The following PDE10A variants were observed in gnomAD, a reference collection of about 807,000 sequenced individuals.
The protein encoded by PDE10A is cAMP and cAMP-inhibited cGMP 3',5'-cyclic phosphodiesterase 10A.
Under a neutral mutation model 97.7 loss-of-function variants are expected in PDE10A, and 39 were observed. The ratio of observed to expected loss-of-function variants is 0.40; its 90% CI spans 0.31 to 0.52. PDE10A has a LOEUF of 0.52. Ranked by LOEUF, PDE10A falls within the 20% of genes least tolerant of loss-of-function variation. The probability of loss-of-function intolerance (pLI) is 0.56; values close to 1 mark genes in which losing one functional copy is unlikely to be tolerated. For synonymous variants in PDE10A, 371 were observed against 376.8 expected, an observed-to-expected ratio of 0.98 and a Z score of 0.18; for missense variants, 731 against 1,047.8, an observed-to-expected ratio of 0.70 and a Z score of 4.17.
At chr6:165,512,999 T>C (rs1781586628) in intron 2 of PDE10A, among the ~76,000 whole-genome samples, 1 of 152,022 alleles carries the variant, frequency 6.6e-6, no homozygotes, top group Admixed American at 6.6e-5. Flanking sequence ...TTTAAAAAAA[T>C]GGGTTGTCTT....
intron 1 of PDE10A, among the ~76,000 whole-genome samples, chr6:165,602,939 A>C (rs1485900647): frequency 6.6e-6 from 1 of 152,184 alleles, no homozygotes; most frequent in Admixed American, 6.5e-5. Flanking sequence ...ACTACATAAA[A>C]TCTAACCTAG....
intron 1 of PDE10A, among the ~76,000 whole-genome samples, chr6:165,599,834 C>T (rs936440552): frequency 1.3e-5 from 2 of 152,132 alleles, no homozygotes; most frequent in Non-Finnish European, 2.9e-5. Context: ...CCTTCCTCCC[C>T]GGTTTGGCAT....
intron 1 of PDE10A, among the ~76,000 whole-genome samples, chr6:165,652,240 T>C (rs1241116653): frequency 1.3e-5 from 2 of 152,162 alleles, no homozygotes; most frequent in Non-Finnish European, 2.9e-5. Flanking sequence ...CCATAGTAAC[T>C]AAGCTCTTTT....
intron 2 of PDE10A, among the ~76,000 whole-genome samples, chr6:165,490,611 A>G (rs1484676604): frequency 3.3e-5 from 5 of 152,192 alleles, no homozygotes; most frequent in Non-Finnish European, 7.3e-5. Context: ...CAATACTAAC[A>G]TTGAATGCAA....
intron 1 of PDE10A, among the ~76,000 whole-genome samples, chr6:165,598,672 C>T (rs575219669): frequency 4.6e-5 from 7 of 152,206 alleles, no homozygotes; most frequent in Middle Eastern, 3.4e-3. Context: ...ATCTGGAACA[C>T]GGCAATTAAT....
At chr6:165,491,725 A>C (rs1780238066) in intron 2 of PDE10A, among the ~76,000 whole-genome samples, 1 of 152,178 alleles carries the variant, frequency 6.6e-6, no homozygotes, top group African/African-American at 2.4e-5. Context: ...CTAAGAGAAA[A>C]GTCCACAGCA....
intron 1 of PDE10A, chr6:165,894,597 T>C (rs1404928178): frequency 8.9e-6 from 4 of 451,740 alleles, no homozygotes; most frequent in Non-Finnish European, 1.8e-5. Context: ...AACCCTGTAC[T>C]ACATATCCCG....
intron 1 of PDE10A, among the ~76,000 whole-genome samples, chr6:165,547,139 G>A (rs1307440583): frequency 6.6e-6 from 1 of 152,078 alleles, no homozygotes; most frequent in Non-Finnish European, 1.5e-5. Flanking sequence ...AAGCAATTGT[G>A]TATATTTGAA....
At chr6:165,414,664 T>G (rs1583236775) in intron 12 of PDE10A, among the ~76,000 whole-genome samples, 1 of 152,238 alleles carries the variant, frequency 6.6e-6, no homozygotes, top group Non-Finnish European at 1.5e-5. Context: ...CACCATATGT[T>G]TTCATTTTGC....
rs140660949 is a variant in PDE10A, at chr6:165,874,199, G to A, written c.-615+113330C>T. Among the ~76,000 whole-genome samples the A allele has an allele frequency of 4.4e-3, 673 of 152,294 alleles. 4 individuals carry two copies. Among genetic ancestry groups the A allele is most frequent in the Non-Finnish European group, 6.1e-3 (416 of 68,024 alleles). On this transcript the variant is annotated intron_variant, in intron 1 of 19. Transcript: ENST00000366882. ...TCACGTGCAGATCTCAAGTTTCCCA[G>A]TTAGCATTGCTTTTTCTCATTTTGC...
At chr6:165,414,621 G>T (rs895217076) in intron 12 of PDE10A, among the ~76,000 whole-genome samples, 5 of 152,132 alleles carry the variant, frequency 3.3e-5, no homozygotes, top group African/African-American at 1.2e-4. Context: ...AAATAATTCT[G>T]CTTTGAAGGT....
chr6:165,685,694 C>T (rs544059161), intron 1 of PDE10A, among the ~76,000 whole-genome samples: 6 of 152,238 alleles, frequency 3.9e-5, no homozygotes, highest in Admixed American at 2.6e-4. Context: ...AGAAACTCCA[C>T]AGAGGACCAT....
At chr6:165,858,183 A>G (rs1391823344) in intron 1 of PDE10A, among the ~76,000 whole-genome samples, 1 of 152,200 alleles carries the variant, frequency 6.6e-6, no homozygotes, top group East Asian at 1.9e-4. Context: ...TCATTCATTC[A>G]TTCACTGGTA....
At chr6:165,393,546 C>T (rs1003889070) in intron 15 of PDE10A, among the ~76,000 whole-genome samples, 2 of 151,792 alleles carry the variant, frequency 1.3e-5, no homozygotes, top group African/African-American at 2.4e-5. Flanking sequence ...AAAAAAGTAA[C>T]CTGTGTTTTT....
intron 1 of PDE10A, among the ~76,000 whole-genome samples, chr6:165,686,704 C>T (rs1298433254): frequency 6.6e-6 from 1 of 152,212 alleles, no homozygotes; most frequent in African/African-American, 2.4e-5. Flanking sequence ...TTTTATAAAA[C>T]CCTCAGAGAG....
chr6:165,926,493 C>T (rs757821448), intron 1 of PDE10A, among the ~76,000 whole-genome samples: 2 of 152,162 alleles, frequency 1.3e-5, no homozygotes, highest in African/African-American at 2.4e-5. Flanking sequence ...ACAAAATGTT[C>T]GATTGACCTT....
At chr6:165,895,614 C>G (rs905046259) in intron 1 of PDE10A, among the ~76,000 whole-genome samples, 3 of 152,190 alleles carry the variant, frequency 2.0e-5, no homozygotes, top group Admixed American at 1.3e-4. Flanking sequence ...AAGACAAAGG[C>G]CTTCCTTATC....
At chr6:165,534,738 A>T (rs1782978270) in intron 2 of PDE10A, among the ~76,000 whole-genome samples, 1 of 152,112 alleles carries the variant, frequency 6.6e-6, no homozygotes, top group Non-Finnish European at 1.5e-5. Flanking sequence ...CATTCAATAA[A>T]ATTCAACATT....
chr6:165,498,987 T>C (rs1275655578), intron 2 of PDE10A, among the ~76,000 whole-genome samples: 1 of 152,232 alleles, frequency 6.6e-6, no homozygotes, highest in Non-Finnish European at 1.5e-5. Flanking sequence ...GTGCACTAGA[T>C]AGAGGAAATT....
Sources: gnomAD v4.1 joint callset for allele counts (sites outside exome capture counted in the v4.1 genomes callset) on GRCh38, gnomAD v4.1.1 for gene constraint, MANE v1.5 for transcripts, NCBI Gene and HGNC (gene_info 2026-07-23, HGNC 2026-07-21) for gene names.